Variants in DEPDC4 observed in about 807,000 individuals in gnomAD.
The protein encoded by DEPDC4 is DEP domain-containing protein 4.
DEPDC4 carries 52 observed loss-of-function variants against 52.0 expected under a neutral mutation model. The observed-to-expected ratio is 1.00, with a 90% CI of 0.80 to 1.26. DEPDC4 has a LOEUF of 1.26. Ranked by LOEUF, DEPDC4 falls within the 50% of genes most tolerant of loss-of-function variation. The pLI, the probability that DEPDC4 is intolerant of heterozygous loss-of-function variation, is 0.00. For synonymous variants in DEPDC4, 201 were observed against 196.8 expected (o/e 1.02, Z -0.18); for missense variants, 530 against 546.9 (o/e 0.97, Z 0.31).
At chr12:100,254,319 C>CTTTTTTTTTTTTTT (rs67921438) in intron 4 of DEPDC4, among the ~76,000 whole-genome samples, 1 of 89,436 alleles carries the variant, frequency 1.1e-5, no homozygotes, top group African/African-American at 5.2e-5. Flanking sequence ...TTTTTTTTGA[C>CTTTTTTTTTTTTTT]TTTTTTTTTT....
intron 8 of DEPDC4, among the ~76,000 whole-genome samples, chr12:100,248,515 T>G (rs2096195130): frequency 6.6e-6 from 1 of 152,190 alleles, no homozygotes; most frequent in East Asian, 1.9e-4. Flanking sequence ...TCTATAAAAT[T>G]TGATCCTTCC....
Position 100,267,072 on chromosome 12 carries a change from A to G in DEPDC4, c.5T>C (p.Val2Ala), listed in dbSNP as rs1592916413. Residue 2 changes from valine (V) to alanine (A), a missense_variant, in exon 1 of 10, where the codon GTG becomes GCG. By Grantham distance (64) the Val-to-Ala change is moderately conservative. Coordinates refer to ENST00000550587, the MANE Select transcript of DEPDC4 (RefSeq NM_001364818.2). Reference sequence around the variant, plus strand: ...CTCGCGCGCTGGCTCCTCCCCTGGCACCATAGCCCCGCCCCACCTGACACC... The same window carrying G: ...CTCGCGCGCTGGCTCCTCCCCTGGCGCCATAGCCCCGCCCCACCTGACACC... M[V>A]PGEEPARELM... 4.3e-6 allele frequency: 7 copies of G among 1,612,630 alleles called. No individual in the cohort carries two copies. The highest frequency in any genetic ancestry group is 2.7e-5 in the African/African-American group (2 of 74,922).
chr12:100,244,570 C>T (rs1169821086), intron 8 of DEPDC4, among the ~76,000 whole-genome samples: 1 of 151,728 alleles, frequency 6.6e-6, no homozygotes, highest in Non-Finnish European at 1.5e-5. Context: ...GGACCTCCTG[C>T]AGCGATCCTC....
downstream of DEPDC4, among the ~76,000 whole-genome samples, chr12:100,239,664 T>G (rs566574433): frequency 1.3e-5 from 2 of 152,076 alleles, no homozygotes; most frequent in South Asian, 4.2e-4. Flanking sequence ...GGATTATAGG[T>G]GTGAGCCACC....
intron 3 of DEPDC4, 76 bp from the exon 4 acceptor site, chr12:100,256,302 C>A: frequency 9.0e-7 from 1 of 1,115,220 alleles, no homozygotes; most frequent in South Asian, 1.8e-5. Context: ...ATAAATCGTT[C>A]TATTTCTAAA....
At chr12:100,277,433 G>A in the DEPDC4 span, among the ~76,000 whole-genome samples, 1 of 152,136 alleles carries the variant, frequency 6.6e-6, no homozygotes, top group Non-Finnish European at 1.5e-5. Context: ...TTATTTCGAA[G>A]TTCTCTTATT....
chr12:100,254,043 G>A (rs138491145), intron 4 of DEPDC4, among the ~76,000 whole-genome samples: 9 of 151,898 alleles, frequency 5.9e-5, no homozygotes, highest in East Asian at 5.8e-4. Context: ...GATGAGTTGC[G>A]TATGGTTCTA....
the DEPDC4 span, among the ~76,000 whole-genome samples, chr12:100,274,495 T>C: frequency 6.6e-5 from 10 of 152,198 alleles, no homozygotes; most frequent in Non-Finnish European, 1.5e-4. Flanking sequence ...TGGGTTCTTG[T>C]TGTTATTAAC....
chr12:100,241,980 G>A (rs191436404), intron 9 of DEPDC4, 135 bp from the exon 10 acceptor site: 1 of 388,434 alleles, frequency 2.6e-6, no homozygotes, highest in Admixed American at 6.4e-5. Context: ...TTGTTCCACA[G>A]TTTCTTTCAA....
chr12:100,280,563 AT>A, the DEPDC4 span, among the ~76,000 whole-genome samples: 1 of 152,218 alleles, frequency 6.6e-6, no homozygotes, highest in African/African-American at 2.4e-5. Flanking sequence ...GTCAACAGAC[AT>A]CATCACAATT....
chr12:100,250,108 C>A (rs2096201637), intron 7 of DEPDC4, among the ~76,000 whole-genome samples: 2 of 152,154 alleles, frequency 1.3e-5, no homozygotes, highest in South Asian at 4.2e-4. Context: ...TCTCTAGAAA[C>A]CAACTATCAG....
chr12:100,273,880 G>GTATA, the DEPDC4 span, among the ~76,000 whole-genome samples: 1 of 152,186 alleles, frequency 6.6e-6, no homozygotes, highest in South Asian at 2.1e-4. Context: ...TATTCTCAGT[G>GTATA]TATAACAAGA....
At chr12:100,261,628 C>T (rs569406712) in intron 3 of DEPDC4, 39 of 445,048 alleles carry the variant, frequency 8.8e-5, no homozygotes, top group South Asian at 6.1e-4. Flanking sequence ...GTGGTGAGTC[C>T]GTATGTTTTC....
intron 9 of DEPDC4, among the ~76,000 whole-genome samples, chr12:100,233,913 TA>T (rs1426800561): frequency 6.6e-6 from 1 of 152,142 alleles, no homozygotes; most frequent in Non-Finnish European, 1.5e-5. Flanking sequence ...GAAAATCTTT[TA>T]TGAGCTTGGG....
At chr12:100,272,489 A>G in the DEPDC4 span, among the ~76,000 whole-genome samples, 1 of 152,150 alleles carries the variant, frequency 6.6e-6, no homozygotes, top group Non-Finnish European at 1.5e-5. Context: ...ATAGTCTACC[A>G]TACTGGCTCA....
rs2096277537 is a variant in DEPDC4, at chr12:100,267,053, C to T, written c.24G>A (p.Ala8=). MVPGEEP[A]RELMAVLLTP... ...TCAAAAGAACCGCCATAAGCTCGCG[C>T]GCTGGCTCCTCCCCTGGCACCATAG... Residue 8 remains alanine (A), a synonymous_variant, in exon 1 of 10, where the codon GCG becomes GCA. Transcript: ENST00000550587. 1 of 1,613,772 alleles carries T rather than the reference C, an allele frequency of 6.2e-7. No individual in the cohort carries two copies. The highest frequency in any genetic ancestry group is 8.5e-7 in the Non-Finnish European group (1 of 1,179,830).
rs776126637 is a variant in DEPDC4 at position 100,252,516 on chromosome 12, C to G, written c.1126G>C (p.Ala376Pro). The change falls in exon 6 of 10, where the codon GCA becomes CCA. Residue 376 changes from alanine to proline, a missense_variant. Ala to Pro is a conservative substitution (Grantham distance 27). Coordinates refer to ENST00000550587, the MANE Select transcript of DEPDC4 (RefSeq NM_001364818.2). Reference sequence around the variant, plus strand: ...AGATATAGTTGTGTTGCTTCAAGTGCTTCTGCTCTTTTCTCATTTTCTGTT... The same window carrying G: ...AGATATAGTTGTGTTGCTTCAAGTGGTTCTGCTCTTTTCTCATTTTCTGTT... ...ELLENEKRAE[A>P]LEATQLYLRL... is the part of the protein sequence containing the mutation. The G allele has an allele frequency of 6.2e-7, 1 of 1,600,892 alleles. No individual in the cohort carries two copies. The highest frequency in any genetic ancestry group is 8.5e-7 in the Non-Finnish European group (1 of 1,176,812).
At chr12:100,258,938 G>A (rs1046852490) in intron 3 of DEPDC4, among the ~76,000 whole-genome samples, 24 of 152,000 alleles carry the variant, frequency 1.6e-4, no homozygotes, top group Non-Finnish European at 3.5e-4. Flanking sequence ...GTGTGTCATG[G>A]TGTGTGCCTG....
At chr12:100,236,999 T>C (rs2096142255), downstream of DEPDC4, among the ~76,000 whole-genome samples, 1 of 152,080 alleles carries the variant, frequency 6.6e-6, no homozygotes, top group South Asian at 2.1e-4. Context: ...CTATACGTAT[T>C]TGGGTTTATT....
Sources: gnomAD v4.1 joint callset for allele counts (sites outside exome capture counted in the v4.1 genomes callset) on GRCh38, gnomAD v4.1.1 for gene constraint, MANE v1.5 for transcripts, NCBI Gene and HGNC (gene_info 2026-07-23, HGNC 2026-07-21) for gene names.